The following ABI1 variants were observed in gnomAD, a reference collection of about 807,000 sequenced individuals.
ABI1 encodes abl interactor 1, also known as Abelson interactor 1.
In ABI1, 14 loss-of-function variants were observed where a neutral mutation model predicts 54.6. That is an observed-to-expected ratio of 0.26 (90% CI 0.17 to 0.40). The LOEUF (loss-of-function observed/expected upper bound fraction) is 0.40, where lower values mean the gene tolerates loss of function less well. Among genes scored for constraint, ABI1 ranks in the 10% least tolerant of loss-of-function variants. The pLI, the probability that ABI1 is intolerant of heterozygous loss-of-function variation, is 1.00. For synonymous variants in ABI1, 194 were observed against 209.3 expected, an observed-to-expected ratio of 0.93 and a Z score of 0.63; for missense variants, 443 against 598.3, an observed-to-expected ratio of 0.74 and a Z score of 2.71.
At chr10:26,749,479 C>T (rs996387978) in intron 10 of ABI1, among the ~76,000 whole-genome samples, 1 of 152,182 alleles carries the variant, frequency 6.6e-6, no homozygotes, top group African/African-American at 2.4e-5. Context: ...TCACATACAC[C>T]TTATACACAT....
intron 1 of ABI1, among the ~76,000 whole-genome samples, chr10:26,838,344 CCTGAGGT>C (rs2049245648): frequency 6.6e-6 from 1 of 151,956 alleles, no homozygotes; most frequent in Admixed American, 6.6e-5. Flanking sequence ...TTCACATGCA[CCTGAGGT>C]ATGGGAACTT....
chr10:26,850,025 C>A (rs1190711645), intron 1 of ABI1, among the ~76,000 whole-genome samples: 1 of 152,206 alleles, frequency 6.6e-6, no homozygotes, highest in African/African-American at 2.4e-5. Flanking sequence ...AAATCATCCA[C>A]AATTATGTGC....
At chr10:26,848,735 A>C (rs1207806665) in intron 1 of ABI1, among the ~76,000 whole-genome samples, 1 of 151,604 alleles carries the variant, frequency 6.6e-6, no homozygotes, top group South Asian at 2.1e-4. Context: ...CAGTCTCCCA[A>C]GTAGCTGGGA....
intron 2 of ABI1, among the ~76,000 whole-genome samples, chr10:26,820,021 G>A (rs1219611034): frequency 3.3e-5 from 5 of 152,196 alleles, no homozygotes; most frequent in Admixed American, 1.3e-4. Flanking sequence ...GTAGTTGTCA[G>A]AGACTAGGGG....
chr10:26,802,054 A>G (rs2046599811), intron 2 of ABI1, among the ~76,000 whole-genome samples: 1 of 152,234 alleles, frequency 6.6e-6, no homozygotes, highest in Admixed American at 6.5e-5. Flanking sequence ...CTTTTAAAAA[A>G]GTTAGGTTAA....
chr10:26,802,931 G>A (rs971281380), intron 2 of ABI1, among the ~76,000 whole-genome samples: 14 of 152,074 alleles, frequency 9.2e-5, no homozygotes, highest in African/African-American at 2.9e-4. Context: ...AAGCCTACCG[G>A]GCACAGAACA....
At chr10:26,843,022 C>A (rs1007646286) in intron 1 of ABI1, among the ~76,000 whole-genome samples, 5 of 151,294 alleles carry the variant, frequency 3.3e-5, no homozygotes, top group African/African-American at 9.7e-5. Context: ...CCAGCCTGGG[C>A]GACAGAGCAA....
In ABI1 at chr10:26,775,190, C is replaced by T. The variant is rs529940263; in HGVS notation, c.462+1875G>A. Among the ~76,000 whole-genome samples, 25 of 152,210 alleles carry T rather than the reference C, an allele frequency of 1.6e-4. No homozygotes were observed. In the South Asian group the frequency reaches 4.3e-3, roughly 26 times the overall value. On this transcript the variant is annotated intron_variant, in intron 3 of 10. Transcript: ENST00000376140. ...TGGAAATATTTAAGCCAACAATGAT[C>T]CTTTAGAGAGAACACAAAACTAAGA...
chr10:26,782,259 C>A (rs1342014858), intron 2 of ABI1, among the ~76,000 whole-genome samples: 1 of 152,124 alleles, frequency 6.6e-6, no homozygotes, highest in Non-Finnish European at 1.5e-5. Flanking sequence ...AGTCACTCAA[C>A]AATGAGCTGT....
intron 1 of ABI1, among the ~76,000 whole-genome samples, chr10:26,857,848 CAAA>C (rs1168285053): frequency 1.0e-5 from 1 of 100,182 alleles, no homozygotes; most frequent in Admixed American, 1.0e-4. Context: ...AAGTCTGTCT[CAAA>C]AAAAAAAAAA....
chr10:26,842,870 C>G (rs181373175), intron 1 of ABI1, among the ~76,000 whole-genome samples: 39 of 152,064 alleles, frequency 2.6e-4, no homozygotes, highest in Admixed American at 1.0e-3. Flanking sequence ...ATGGTGAAAC[C>G]TCACCTCTAC....
intron 2 of ABI1, among the ~76,000 whole-genome samples, chr10:26,796,748 C>T (rs188447778): frequency 1.3e-5 from 2 of 152,288 alleles, no homozygotes; most frequent in East Asian, 3.9e-4. Context: ...ATATGTATTC[C>T]ATAACACAGC....
At chr10:26,760,369 T>C (rs571951368) in intron 7 of ABI1, among the ~76,000 whole-genome samples, 71 of 152,264 alleles carry the variant, frequency 4.7e-4, no homozygotes, top group African/African-American at 1.7e-3. Flanking sequence ...CTAATCCTTC[T>C]TAGAGGTCAC....
intron 7 of ABI1, among the ~76,000 whole-genome samples, chr10:26,764,596 G>A (rs529659123): frequency 2.0e-5 from 3 of 152,098 alleles, no homozygotes; most frequent in Non-Finnish European, 4.4e-5. Flanking sequence ...ACTAGTATGC[G>A]AGGCAAATAC....
At chr10:26,858,454 C>CTTTTT (rs375525589) in intron 1 of ABI1, among the ~76,000 whole-genome samples, 1,909 of 118,118 alleles carry the variant, frequency 0.016, 44 homozygotes, top group African/African-American at 0.048. Context: ...TGCGTGAATT[C>CTTTTT]TTTTTTTTTT....
chr10:26,812,713 C>T (rs1388212654), intron 2 of ABI1, among the ~76,000 whole-genome samples: 13 of 152,164 alleles, frequency 8.5e-5, no homozygotes, highest in Admixed American at 7.9e-4. Flanking sequence ...TTCTCCTTGA[C>T]TTACAGATGG....
chr10:26,845,370 T>C (rs1015850198), intron 1 of ABI1, among the ~76,000 whole-genome samples: 2 of 152,174 alleles, frequency 1.3e-5, no homozygotes, highest in Admixed American at 6.5e-5. Flanking sequence ...AAGCAGGGCA[T>C]GATGGCTCAC....
intron 1 of ABI1, among the ~76,000 whole-genome samples, chr10:26,856,458 A>AC (rs1481933719): frequency 2.8e-5 from 4 of 140,650 alleles, no homozygotes; most frequent in African/African-American, 1.1e-4. Context: ...AAAAAAAAAA[A>AC]AAAACTGACA....
chr10:26,802,897 C>T (rs182006707), intron 2 of ABI1, among the ~76,000 whole-genome samples: 4 of 152,290 alleles, frequency 2.6e-5, no homozygotes, highest in Non-Finnish European at 5.9e-5. Flanking sequence ...GTCACAGATA[C>T]TGATTGACAA....
Sources: allele counts gnomAD v4.1 joint callset (sites outside exome capture counted in the v4.1 genomes callset), GRCh38; gene constraint gnomAD v4.1.1; transcripts MANE v1.5; gene names NCBI Gene and HGNC (gene_info 2026-07-23, HGNC 2026-07-21).